SLC12A9: variants seen among roughly 807,000 people sequenced by gnomAD.
The protein encoded by SLC12A9 is solute carrier family 12 member 9, also known as CCC-interacting protein 1.
In SLC12A9, 55 loss-of-function variants were observed where a neutral mutation model predicts 66.0. The observed-to-expected ratio is 0.83, with a 90% CI of 0.67 to 1.04. The LOEUF (loss-of-function observed/expected upper bound fraction) is 1.04, where lower values mean the gene tolerates loss of function less well. Among genes scored for constraint, SLC12A9 ranks in the 50% least tolerant of loss-of-function variants. The pLI is 0.00. For synonymous variants in SLC12A9, 577 were observed against 569.0 expected, an observed-to-expected ratio of 1.01 and a Z score of -0.20; for missense variants, 1,061 against 1,241.9, an observed-to-expected ratio of 0.85 and a Z score of 2.19.
chr7:100,862,636 G>A, intron 12 of SLC12A9, 45 bp from the exon 13 acceptor site: 1 of 1,608,374 alleles, frequency 6.2e-7, no homozygotes, highest in East Asian at 2.2e-5. Flanking sequence ...GAGACATTGA[G>A]TTTGGACAAC....
chr7:100,837,851 A>ATTTTTT (rs11285489), intron 1 of SLC12A9, among the ~76,000 whole-genome samples: 3 of 79,654 alleles, frequency 3.8e-5, no homozygotes, highest in African/African-American at 5.5e-5. Flanking sequence ...ATTTATTTCA[A>ATTTTTT]TTTTTTTTTT....
intron 1 of SLC12A9, among the ~76,000 whole-genome samples, chr7:100,839,659 G>T (rs984625550): frequency 1.3e-5 from 2 of 152,170 alleles, no homozygotes; most frequent in Non-Finnish European, 2.9e-5. Context: ...GCAGGCCCCT[G>T]TGGAGGATCA....
At chr7:100,846,288 C>T (rs1430798646) in intron 1 of SLC12A9, among the ~76,000 whole-genome samples, 3 of 152,194 alleles carry the variant, frequency 2.0e-5, no homozygotes, top group African/African-American at 7.2e-5. Flanking sequence ...CATTGCAGGC[C>T]GGGCGCGGTG....
intron 9 of SLC12A9, 159 bp downstream of exon 9, chr7:100,860,391 C>T: frequency 1.4e-6 from 1 of 734,920 alleles, no homozygotes; most frequent in South Asian, 1.9e-5. Context: ...TTGTGGGGTT[C>T]ACCAGCACCT....
chr7:100,864,235 T>C (rs1230140332), intron 13 of SLC12A9, among the ~76,000 whole-genome samples: 1 of 151,984 alleles, frequency 6.6e-6, no homozygotes, highest in African/African-American at 2.4e-5. Flanking sequence ...ACGCCAGCAT[T>C]GTCCGGCTAA....
Position 100,857,138 on chromosome 7 carries a change from CCGGCTT to C in SLC12A9, c.721_726del (p.Gly241_Phe242del). 6.2e-7 allele frequency: 1 copy of C among 1,614,024 alleles called. No individual in the cohort carries two copies. Among genetic ancestry groups the C allele is most frequent in the Non-Finnish European group, 8.5e-7 (1 of 1,179,950 alleles). On this transcript the variant is annotated inframe_deletion, in exon 5 of 14. Coordinates refer to ENST00000354161, the MANE Select transcript of SLC12A9 (RefSeq NM_020246.4). The stretch of plus-strand genomic sequence containing the variant: ...CTGCCGCCCCGGTTTGGCCACTTCA[CCGGCTT>C]CAACAGCAGTACCCTGAAGGACAAC...
In SLC12A9 at chr7:100,861,018, C is replaced by T. The variant is rs746577512; in HGVS notation, c.1219-120C>T. On this transcript the variant is annotated intron_variant, in intron 9 of 13. Transcript: ENST00000354161. This position sits in a 1 kb window ranked among gnomAD's most constrained non-coding sequence, Gnocchi z 5.3. ...GTGCACTGGCACTTTGCAGGGTTCA[C>T]TGGCACTTTCTGGGGCTCATTGACA... The T allele has an allele frequency of 4.5e-6, 7 of 1,563,350 alleles. No individual in the cohort carries two copies. In the East Asian group the frequency reaches 1.3e-4, roughly 30 times the overall value.
At position 100,826,884 on chromosome 7, in the gene SLC12A9, G is replaced by T. The variant is rs527937169; in HGVS notation, n.65G>T. 2.0e-5 allele frequency: 29 copies of T among 1,420,114 alleles called. No individual in the cohort carries two copies. The African/African-American group carries it at 3.8e-4, about 19-fold the overall frequency. The allele number at this position is 1,420,114 out of a possible 1,614,324, so 88.0% of individuals were successfully genotyped here. On this transcript the variant is annotated non_coding_transcript_exon_variant, in exon 1 of 2. Transcript: ENST00000461016. ...TTGGGACTGCAGTGCCCGGGTAGGGGTAGTCAGAGGCCGGCCCCTCCACTC... is the reference window on the plus strand; with the variant it reads ...TTGGGACTGCAGTGCCCGGGTAGGGTTAGTCAGAGGCCGGCCCCTCCACTC...
chr7:100,846,854 G>C (rs1217547749), intron 1 of SLC12A9, among the ~76,000 whole-genome samples: 2 of 152,182 alleles, frequency 1.3e-5, no homozygotes, highest in African/African-American at 4.8e-5. Flanking sequence ...AGGCCTAGTA[G>C]TTAAAGATCG....
At chr7:100,843,963 C>G (rs1813843325) in intron 1 of SLC12A9, among the ~76,000 whole-genome samples, 1 of 152,194 alleles carries the variant, frequency 6.6e-6, no homozygotes. Flanking sequence ...TGGACGGAAG[C>G]AGCTTCGCCA....
At chr7:100,865,426 C>T (rs1416874544) in intron 13 of SLC12A9, 2 of 1,536,148 alleles carry the variant, frequency 1.3e-6, no homozygotes, top group East Asian at 4.9e-5. Flanking sequence ...ACAGCATCCT[C>T]CTCTCCATAG....
chr7:100,827,037 G>A (rs1460184115), exon 1 of SLC12A9: 4 of 1,578,908 alleles, frequency 2.5e-6, no homozygotes, highest in Non-Finnish European at 3.4e-6. Flanking sequence ...CCATGGCGCC[G>A]CCTCACTCGG....
chr7:100,843,512 AAGGC>A (rs770371481), intron 1 of SLC12A9, among the ~76,000 whole-genome samples: 11 of 152,240 alleles, frequency 7.2e-5, no homozygotes, highest in African/African-American at 9.6e-5. Context: ...AAGAGAAAAA[AAGGC>A]AGTTAGAGTT....
intron 1 of SLC12A9, among the ~76,000 whole-genome samples, chr7:100,839,396 G>T (rs143324239): frequency 2.0e-5 from 3 of 151,918 alleles, no homozygotes; most frequent in African/African-American, 7.3e-5. Context: ...TGATGCCCCT[G>T]GCCGAATAAA....
upstream of SLC12A9, among the ~76,000 whole-genome samples, chr7:100,850,538 C>T (rs1221994487): frequency 2.0e-5 from 3 of 151,698 alleles, no homozygotes; most frequent in Non-Finnish European, 4.4e-5. Context: ...CTACACCTTG[C>T]CACAGTCTTT....
chr7:100,840,655 CAGAG>C (rs767976058), intron 1 of SLC12A9, among the ~76,000 whole-genome samples: 7 of 149,032 alleles, frequency 4.7e-5, no homozygotes, highest in Non-Finnish European at 7.4e-5. Context: ...GAGAGAAAGA[CAGAG>C]AGAAAGAAAT....
intron 13 of SLC12A9, among the ~76,000 whole-genome samples, chr7:100,864,227 G>A (rs150358089): frequency 3.3e-5 from 5 of 152,010 alleles, no homozygotes; most frequent in African/African-American, 4.8e-5. Flanking sequence ...ACAGATATAC[G>A]CCAGCATTGT....
At chr7:100,841,965 G>T (rs1813800025) in intron 1 of SLC12A9, among the ~76,000 whole-genome samples, 2 of 151,996 alleles carry the variant, frequency 1.3e-5, no homozygotes, top group African/African-American at 4.8e-5. Context: ...AAAACTAAAA[G>T]TCTTTTAGCA....
chr7:100,851,282 C>G (rs150079060), upstream of SLC12A9, among the ~76,000 whole-genome samples: 1,051 of 152,154 alleles, frequency 6.9e-3, 9 homozygotes, highest in African/African-American at 0.024. Flanking sequence ...GGAGGGGCTG[C>G]AGTCATTGAT....
Sources: allele counts gnomAD v4.1 joint callset (sites outside exome capture counted in the v4.1 genomes callset), GRCh38; gene constraint gnomAD v4.1.1; non-coding constraint Gnocchi (gnomAD v3.1); transcripts MANE v1.5; gene names NCBI Gene and HGNC (gene_info 2026-07-23, HGNC 2026-07-21).